Variants in FCRL5 observed in about 807,000 individuals in gnomAD.
FCRL5 encodes the protein Fc receptor-like protein 5.
In FCRL5, 79 loss-of-function variants were observed where a neutral mutation model predicts 92.1. That is an observed-to-expected ratio of 0.86 (90% CI 0.72 to 1.03). The LOEUF is 1.03. FCRL5 is among the 50% of genes least tolerant of loss of function. The pLI, the probability that FCRL5 is intolerant of heterozygous loss-of-function variation, is 0.00. For synonymous variants in FCRL5, 466 were observed against 469.3 expected, an observed-to-expected ratio of 0.99 and a Z score of 0.09; for missense variants, 1,160 against 1,181.1, an observed-to-expected ratio of 0.98 and a Z score of 0.26.
At chr1:157,522,743 C>G (rs1218154005) in intron 10 of FCRL5, 1 of 152,190 alleles carries the variant, frequency 6.6e-6, no homozygotes, top group South Asian at 2.1e-4. Context: ...GCTGTGATAA[C>G]AGCAGCAGAA....
intron 13 of FCRL5, chr1:157,519,205 G>A (rs12144298): frequency 0.012 from 2,102 of 174,322 alleles, 42 homozygotes; most frequent in East Asian, 0.089. Flanking sequence ...TGCTGCTATC[G>A]TGGGCTTGCC....
chr1:157,539,363 A>G lies in FCRL5; in HGVS notation c.1125T>C (p.Val375=). 1.3e-6 allele frequency: 2 copies of G among 1,592,082 alleles called. No homozygotes were observed. Among genetic ancestry groups the G allele is most frequent in the Non-Finnish European group, 1.7e-6 (2 of 1,168,320 alleles). The change falls in exon 7 of 17, where the codon GTT becomes GTC. Residue 375 remains valine, a splice_region_variant and synonymous_variant. Transcript: ENST00000361835. ...GGTTGAGGACAGGATGAGACACGGG[A>G]ACTGAGAGAGAGAAAAAATTAGTCA... ...PSKAVSLSVT[V]PVSHPVLNLS...
At chr1:157,541,313 G>C (rs80245735) in intron 6 of FCRL5, among the ~76,000 whole-genome samples, 10 of 152,250 alleles carry the variant, frequency 6.6e-5, no homozygotes, top group African/African-American at 2.4e-4. Flanking sequence ...CCCCCAAACT[G>C]GCTGCTCTAT....
At position 157,542,874 on chromosome 1, in the gene FCRL5, T is replaced by A. The variant is rs145377479; in HGVS notation, c.1108A>T (p.Ser370Cys). 2 of 1,612,644 alleles carry A rather than the reference T, an allele frequency of 1.2e-6. No homozygotes were observed. Among genetic ancestry groups the A allele is most frequent in the Non-Finnish European group, 1.7e-6 (2 of 1,179,658 alleles). ...CAGGGCTTACCAGTGACTGAGAGGC[T>A]CACAGCCTTACTGGGCTTGGCGCCA... The part of the protein sequence containing the change: ...GLGAKPSKAV[S>C]LSVTVPVSHP... Residue 370 changes from serine (S) to cysteine (C), a missense_variant, in exon 6 of 17, where the codon AGC becomes TGC. By Grantham distance (112) the Ser-to-Cys change is moderately radical. Coordinates refer to ENST00000361835, the MANE Select transcript of FCRL5 (RefSeq NM_031281.3).
Position 157,544,667 on chromosome 1 carries a change from G to A in FCRL5, c.560-121C>T, listed in dbSNP as rs191524989. On this transcript the variant is annotated intron_variant, in intron 4 of 16. Coordinates refer to ENST00000361835, the MANE Select transcript of FCRL5 (RefSeq NM_031281.3). ...AAGAAAGGAATGCCATTGATCCCTA[G>A]CTTCCTTCAGCCCAAAACACTACTA... The A allele has an allele frequency of 3.0e-5, 42 of 1,411,126 alleles. 1 individual carries two copies. In the East Asian group the frequency reaches 9.7e-4, roughly 32 times the overall value. 87.4% of individuals were successfully genotyped at this position (1,411,126 alleles called of 1,614,324 possible). A position where few individuals can be genotyped will look rare whatever the true frequency, so the allele number is the denominator to read the frequency against.
In FCRL5 at chr1:157,515,315, T is replaced by A. The variant is rs1411319491; in HGVS notation, c.*360A>T. ...GCTGTTAGGCCAGCCCGGCATCTCC[T>A]GAAGGCCCACTCTCCCTTTGTGTGG... On this transcript the variant is annotated 3_prime_UTR_variant, in exon 17 of 17. Coordinates refer to ENST00000361835, the MANE Select transcript of FCRL5 (RefSeq NM_031281.3). 3 of 326,816 alleles carry A rather than the reference T, an allele frequency of 9.2e-6. No individual in the cohort carries two copies. 20.2% of individuals were successfully genotyped at this position (326,816 alleles called of 1,614,324 possible).
At chr1:157,520,963 G>T in intron 11 of FCRL5, 54 bp downstream of exon 11, 1 of 1,550,770 alleles carries the variant, frequency 6.4e-7, no homozygotes, top group South Asian at 1.2e-5. Flanking sequence ...TTATCAGAGG[G>T]TCCGCGGAGG....
At chr1:157,519,117 G>A (rs181228898) in intron 13 of FCRL5, 1 of 212,756 alleles carries the variant, frequency 4.7e-6, no homozygotes, top group Non-Finnish European at 9.4e-6. Context: ...ATGAGCCAAG[G>A]CTCAAAGCTG....
intron 1 of FCRL5, among the ~76,000 whole-genome samples, chr1:157,550,168 G>A (rs977304946): frequency 1.3e-5 from 2 of 152,156 alleles, no homozygotes; most frequent in Admixed American, 6.5e-5. Flanking sequence ...AACTGGGAGT[G>A]TTGGGGGAAA....
intron 7 of FCRL5, 134 bp from the exon 8 acceptor site, chr1:157,535,026 T>C: frequency 1.4e-6 from 1 of 711,484 alleles, no homozygotes; most frequent in East Asian, 2.9e-5. Context: ...GCCAAGCAAC[T>C]TCTCAGGTTT....
chr1:157,517,944 G>A (rs1217661617), intron 15 of FCRL5, among the ~76,000 whole-genome samples: 1 of 147,208 alleles, frequency 6.8e-6, no homozygotes, highest in Admixed American at 6.6e-5. Context: ...TCTCTGCTGT[G>A]TGGGGGATAC....
rs763663042 is a variant in FCRL5, at chr1:157,534,634, A to G, written c.1661T>C (p.Val554Ala). Residue 554 changes from valine (V) to alanine (A), a missense_variant, in exon 8 of 17, where the codon GTG (valine) becomes GCG (alanine). Transcript: ENST00000361835. ...CTTACCAGTGACAAAAAGGCTCACC[A>G]CTTCACTGCGCTGGGGACCAAAGCC... ...DNGFGPQRSE[V>A]VSLFVTVPVS... The G allele has an allele frequency of 6.2e-7, 1 of 1,614,214 alleles. No individual in the cohort carries two copies. The highest frequency in any genetic ancestry group is 1.1e-5 in the South Asian group (1 of 91,080).
chr1:157,543,165 A>G (rs1462370958), intron 5 of FCRL5, 28 bp from the exon 6 acceptor site: 1 of 1,600,186 alleles, frequency 6.2e-7, no homozygotes, highest in Non-Finnish European at 8.5e-7. Context: ...TTAGTCAAGA[A>G]TTGCTTTTGC....
At chr1:157,526,193 T>G (rs912523663) in intron 9 of FCRL5, among the ~76,000 whole-genome samples, 2 of 152,130 alleles carry the variant, frequency 1.3e-5, no homozygotes, top group African/African-American at 4.8e-5. Context: ...AGGGAGGGTT[T>G]CAAGAAGGAA....
At chr1:157,516,785 C>CAGAGTTTGGTCT (rs1286119911) in intron 15 of FCRL5, among the ~76,000 whole-genome samples, 4 of 152,188 alleles carry the variant, frequency 2.6e-5, no homozygotes, top group Admixed American at 6.5e-5. Flanking sequence ...CATGAAGAAG[C>CAGAGTTTGGTCT]AGAGTTTGGT....
chr1:157,539,511 T>C, intron 6 of FCRL5, 147 bp from the exon 7 acceptor site: 2 of 703,324 alleles, frequency 2.8e-6, no homozygotes, highest in Non-Finnish European at 4.5e-6. Context: ...TGCTTTTTAT[T>C]TTATTCCTTA....
chr1:157,531,749 A>G lies in FCRL5; in HGVS notation c.1681+2865T>C, dbSNP rs144491234. Among the ~76,000 whole-genome samples the G allele has an allele frequency of 5.4e-3, 825 of 152,324 alleles. 8 individuals carry two copies. The highest frequency in any genetic ancestry group is 0.018 in the African/African-American group (763 of 41,568). Reference sequence around the variant, plus strand: ...AGACTGATACTGCATGATTTCACTCATATTTTGAATCTAAAAAAATACAAA... The same window carrying G: ...AGACTGATACTGCATGATTTCACTCGTATTTTGAATCTAAAAAAATACAAA... On this transcript the variant is annotated intron_variant, in intron 8 of 16. Coordinates refer to ENST00000361835, the MANE Select transcript of FCRL5 (RefSeq NM_031281.3).
chr1:157,527,750 G>C lies in FCRL5; in HGVS notation c.1827C>G (p.Ser609Arg), dbSNP rs1253074696. ...WFYHEDVTLG[S>R]SSAPSGGEAS... ...CTTCTCCTCCAGAGGGGGCTGAGCTGCTCCCCAGGGTGACATCCTCATGAT... is the reference window on the plus strand; with the variant it reads ...CTTCTCCTCCAGAGGGGGCTGAGCTCCTCCCCAGGGTGACATCCTCATGAT... The change falls in exon 9 of 17, where the codon AGC becomes AGG. Residue 609 changes from serine (S) to arginine (R), a missense_variant. Ser to Arg is a moderately radical substitution (Grantham distance 110). Coordinates refer to ENST00000361835, the MANE Select transcript of FCRL5 (RefSeq NM_031281.3). The C allele has an allele frequency of 1.9e-6, 3 of 1,614,188 alleles. No individual in the cohort carries two copies. Among genetic ancestry groups the C allele is most frequent in the Non-Finnish European group, 2.5e-6 (3 of 1,180,022 alleles).
intron 15 of FCRL5, among the ~76,000 whole-genome samples, chr1:157,517,371 G>A (rs572766448): frequency 3.9e-5 from 6 of 152,296 alleles, no homozygotes; most frequent in Non-Finnish European, 8.8e-5. Context: ...GCTGCAACCT[G>A]TGACTATATT....
Sources: gnomAD v4.1 joint callset for allele counts (sites outside exome capture counted in the v4.1 genomes callset) on GRCh38, gnomAD v4.1.1 for gene constraint, MANE v1.5 for transcripts, NCBI Gene and HGNC (gene_info 2026-07-23, HGNC 2026-07-21) for gene names.